GALNTL6: variants seen among roughly 807,000 people sequenced by gnomAD.
GALNTL6 encodes polypeptide N-acetylgalactosaminyltransferase-like 6.
A neutral mutation model predicts 73.7 loss-of-function variants in GALNTL6; 46 were observed. The observed-to-expected ratio is 0.62, with a 90% CI of 0.49 to 0.80. The LOEUF is 0.80. GALNTL6 is among the 30% of genes least tolerant of loss of function. GALNTL6 has a pLI of 0.00. For synonymous variants in GALNTL6, 259 were observed against 263.7 expected, an observed-to-expected ratio of 0.98 and a Z score of 0.17; for missense variants, 604 against 755.0, an observed-to-expected ratio of 0.80 and a Z score of 2.34.
At chr4:172,225,618 G>T (rs192979758) in intron 2 of GALNTL6, among the ~76,000 whole-genome samples, 45 of 152,134 alleles carry the variant, frequency 3.0e-4, no homozygotes, top group Admixed American at 1.2e-3. Flanking sequence ...GGCCGGGTGC[G>T]ATGGCTCACG....
intron 2 of GALNTL6, among the ~76,000 whole-genome samples, chr4:171,825,207 G>C (rs1000754963): frequency 6.6e-6 from 1 of 151,970 alleles, no homozygotes; most frequent in African/African-American, 2.4e-5. Flanking sequence ...TTGTTGTTTT[G>C]GTTGCATCCA....
At chr4:172,571,878 A>T (rs1475621938) in intron 5 of GALNTL6, among the ~76,000 whole-genome samples, 1 of 152,100 alleles carries the variant, frequency 6.6e-6, no homozygotes, top group East Asian at 1.9e-4. Context: ...TCTCACTCAA[A>T]TGGTTGCAAC....
intron 11 of GALNTL6, among the ~76,000 whole-genome samples, chr4:173,019,537 A>G (rs2126512491): frequency 6.6e-6 from 1 of 152,312 alleles, no homozygotes; most frequent in African/African-American, 2.4e-5. Context: ...CTGAATAGAC[A>G]TTTCCTTGAG....
chr4:171,936,058 C>T (rs921943634), intron 2 of GALNTL6, among the ~76,000 whole-genome samples: 1 of 152,082 alleles, frequency 6.6e-6, no homozygotes, highest in Non-Finnish European at 1.5e-5. Flanking sequence ...AAAACTTAGA[C>T]AAAAAATTAT....
chr4:172,848,186 T>A (rs1007432899), intron 7 of GALNTL6, among the ~76,000 whole-genome samples: 2 of 152,186 alleles, frequency 1.3e-5, no homozygotes, highest in East Asian at 3.9e-4. Flanking sequence ...CTCGTGTACA[T>A]GACCCTGAAA....
intron 5 of GALNTL6, among the ~76,000 whole-genome samples, chr4:172,496,427 C>CTGCA (rs1734074259): frequency 6.6e-6 from 1 of 152,004 alleles, no homozygotes; most frequent in East Asian, 1.9e-4. Context: ...CAGTGGCTCA[C>CTGCA]GCCTGTAATC....
intron 2 of GALNTL6, among the ~76,000 whole-genome samples, chr4:172,069,753 C>T (rs1262027794): frequency 9.9e-6 from 1 of 101,372 alleles, no homozygotes; most frequent in East Asian, 2.2e-4. Context: ...TGATATTTGC[C>T]TTGAGTTATT....
In GALNTL6 at chr4:172,471,415, C is replaced by T. The variant is rs73869529; in HGVS notation, c.553+122726C>T. 2.1e-3 allele frequency among the ~76,000 whole-genome samples: 315 copies of T among 152,236 alleles called. 1 individual carries two copies. Among genetic ancestry groups the T allele is most frequent in the African/African-American group, 6.9e-3 (287 of 41,568 alleles). On this transcript the variant is annotated intron_variant, in intron 5 of 12. Coordinates refer to ENST00000506823, the MANE Select transcript of GALNTL6 (RefSeq NM_001034845.3). The stretch of plus-strand genomic sequence containing the variant: ...TTTCCCTTTCCATTCAAACTTAATT[C>T]CTTTTGTTTTGTTTATGTTTTACCA...
intron 2 of GALNTL6, among the ~76,000 whole-genome samples, chr4:172,038,970 G>A (rs1436732171): frequency 1.3e-5 from 2 of 152,100 alleles, no homozygotes; most frequent in Non-Finnish European, 2.9e-5. Context: ...CACTACAAGC[G>A]TATTTCCCTG....
chr4:172,177,772 C>T (rs1344965874), intron 2 of GALNTL6, among the ~76,000 whole-genome samples: 9 of 74,398 alleles, frequency 1.2e-4, no homozygotes, highest in African/African-American at 3.8e-4. Context: ...TATATATGTA[C>T]ACATATATAC....
At chr4:172,957,832 C>T (rs1242436586) in intron 10 of GALNTL6, among the ~76,000 whole-genome samples, 1 of 152,078 alleles carries the variant, frequency 6.6e-6, no homozygotes, top group African/African-American at 2.4e-5. Context: ...GCAGTAGCCT[C>T]AATGATAGAT....
rs142071387 is a variant in GALNTL6 at position 172,365,591 on chromosome 4, A to G, written c.553+16902A>G. On this transcript the variant is annotated intron_variant, in intron 5 of 12. Coordinates refer to ENST00000506823, the MANE Select transcript of GALNTL6 (RefSeq NM_001034845.3). ...CTCCATTTCTGAAATCAGAGGCCAT[A>G]CTCCCTTAGCACTCATGACTACAAG... 3.8e-4 allele frequency among the ~76,000 whole-genome samples: 57 copies of G among 151,756 alleles called. 2 individuals carry two copies. In the East Asian group the frequency reaches 0.011, roughly 29 times the overall value.
At chr4:172,424,558 A>G (rs1268792549) in intron 5 of GALNTL6, among the ~76,000 whole-genome samples, 5 of 152,180 alleles carry the variant, frequency 3.3e-5, no homozygotes, top group Non-Finnish European at 7.3e-5. Context: ...TTTCTAACTC[A>G]TGTAACAACC....
intron 8 of GALNTL6, among the ~76,000 whole-genome samples, chr4:172,894,512 T>G (rs73002057): frequency 2.4e-3 from 359 of 152,350 alleles, no homozygotes; most frequent in African/African-American, 5.9e-3. Context: ...AGTTTTGCTT[T>G]TTATTGATTC....
intron 7 of GALNTL6, among the ~76,000 whole-genome samples, chr4:172,847,394 C>G (rs560891008): frequency 7.2e-4 from 110 of 152,176 alleles, no homozygotes; most frequent in African/African-American, 2.5e-3. Flanking sequence ...CCCAGGTAGA[C>G]AAAGTTAAGA....
intron 2 of GALNTL6, among the ~76,000 whole-genome samples, chr4:171,974,110 G>A (rs939869349): frequency 6.6e-6 from 1 of 151,892 alleles, no homozygotes; most frequent in African/African-American, 2.4e-5. Flanking sequence ...AGCGATTCTT[G>A]TGCCTCAGCT....
intron 5 of GALNTL6, among the ~76,000 whole-genome samples, chr4:172,735,858 G>T (rs973433016): frequency 2.0e-5 from 3 of 152,134 alleles, no homozygotes; most frequent in Non-Finnish European, 4.4e-5. Context: ...ACAAAAGAGA[G>T]AAATTTTACA....
chr4:172,552,958 TA>T (rs1320930114), intron 5 of GALNTL6, among the ~76,000 whole-genome samples: 1 of 152,004 alleles, frequency 6.6e-6, no homozygotes, highest in Non-Finnish European at 1.5e-5. Context: ...ATGGTTAGAT[TA>T]AATACACATC....
chr4:173,015,564 C>T (rs1301153878), intron 11 of GALNTL6, among the ~76,000 whole-genome samples: 2 of 152,162 alleles, frequency 1.3e-5, no homozygotes, highest in African/African-American at 2.4e-5. Flanking sequence ...GTAAAAGTCA[C>T]TCTTGTTATG....
Sources: gnomAD v4.1 joint callset for allele counts (sites outside exome capture counted in the v4.1 genomes callset) on GRCh38, gnomAD v4.1.1 for gene constraint, MANE v1.5 for transcripts, NCBI Gene and HGNC (gene_info 2026-07-23, HGNC 2026-07-21) for gene names.